NIPBL: variants seen among roughly 807,000 people sequenced by gnomAD.
NIPBL encodes NIPBL cohesin loading factor, also known as nipped-B-like protein.
A neutral mutation model predicts 321.8 loss-of-function variants in NIPBL; 19 were observed. The ratio of observed to expected loss-of-function variants is 0.06; its 90% confidence interval spans 0.04 to 0.09. The LOEUF (loss-of-function observed/expected upper bound fraction) is 0.09, where lower values mean the gene tolerates loss of function less well. Ranked by LOEUF, NIPBL falls within the 10% of genes least tolerant of loss-of-function variation. The pLI is 1.00. For missense variants in NIPBL, 2,210 were observed against 3,327.0 expected, an observed-to-expected ratio of 0.66 and a Z score of 8.26; for synonymous variants, 1,106 against 1,114.1, an observed-to-expected ratio of 0.99 and a Z score of 0.14.
rs1755290540 is a variant in NIPBL at position 37,065,585 on chromosome 5, A to G, written c.*693A>G. The G allele has an allele frequency of 6.6e-6, 1 of 152,574 alleles. No homozygotes were observed. The highest frequency in any genetic ancestry group is 2.1e-4 in the South Asian group (1 of 4,834). The allele number at this position is 152,574 out of a possible 1,614,324, so 9.5% of individuals were successfully genotyped here. A position where few individuals can be genotyped will look rare whatever the true frequency, so the allele number is the denominator to read the frequency against. On this transcript the variant is annotated 3_prime_UTR_variant, in exon 47 of 47. Coordinates refer to ENST00000282516, the MANE Select transcript of NIPBL (RefSeq NM_133433.4). ...ATTATTTTACAGTCTTTTATGTAAA[A>G]TTTATTATATCACTGGTTTTCAAAG...
chr5:36,970,556 A>G (rs1742743179), intron 6 of NIPBL, among the ~76,000 whole-genome samples: 1 of 151,880 alleles, frequency 6.6e-6, no homozygotes, highest in South Asian at 2.1e-4. Context: ...ATGCATAGCA[A>G]AGGTATAAAG....
At chr5:37,063,650 G>A in intron 45 of NIPBL, 140 bp from the exon 46 acceptor site, 1 of 794,460 alleles carries the variant, frequency 1.3e-6, no homozygotes, top group South Asian at 1.8e-5. Context: ...TACAGAAAAT[G>A]TTTACTAGCC....
rs769203117 is a variant in NIPBL, at chr5:36,962,126, G to C, written c.462G>C (p.Arg154=). The change falls in exon 6 of 47, where the codon CGG becomes CGC. Residue 154 remains arginine, a synonymous_variant. Coordinates refer to ENST00000282516, the MANE Select transcript of NIPBL (RefSeq NM_133433.4). ...TTATTTGGGTTTTGGGTTTTAGCCG[G>C]TTTGTGCCACCACAGACAAGCTCTG... ...QTTISHSPSS[R]FVPPQTSSGN... The C allele has an allele frequency of 3.1e-6, 5 of 1,614,036 alleles. No individual in the cohort carries two copies. The South Asian group carries it at 5.5e-5, about 18-fold the overall frequency.
At chr5:37,042,121 C>G (rs1018267925) in intron 34 of NIPBL, among the ~76,000 whole-genome samples, 1 of 152,020 alleles carries the variant, frequency 6.6e-6, no homozygotes, top group East Asian at 1.9e-4. Context: ...ATGTTTTTAA[C>G]TAGTGTGTTA....
At chr5:37,009,171 G>A (rs1313847615) in intron 20 of NIPBL, among the ~76,000 whole-genome samples, 1 of 151,886 alleles carries the variant, frequency 6.6e-6, no homozygotes, top group Non-Finnish European at 1.5e-5. Context: ...TGTTCATCCT[G>A]TTGGAAATAT....
intron 34 of NIPBL, among the ~76,000 whole-genome samples, chr5:37,039,559 G>C (rs2149722665): frequency 6.6e-6 from 1 of 152,126 alleles, no homozygotes; most frequent in East Asian, 1.9e-4. Flanking sequence ...CTGTTTTACA[G>C]ATAAGGAAAC....
intron 24 of NIPBL, among the ~76,000 whole-genome samples, chr5:37,018,058 A>G (rs1749191083): frequency 6.6e-6 from 1 of 152,124 alleles, no homozygotes; most frequent in Admixed American, 6.5e-5. Context: ...CTTGACAAGT[A>G]ACACCAACAT....
intron 20 of NIPBL, 139 bp downstream of exon 20, chr5:37,008,862 T>C (rs957926717): frequency 3.1e-6 from 2 of 644,372 alleles, no homozygotes; most frequent in East Asian, 2.8e-5. Context: ...GCATGAAAAA[T>C]AGATGTGTGA....
At chr5:36,940,382 T>C (rs185044525) in intron 1 of NIPBL, among the ~76,000 whole-genome samples, 185 of 152,256 alleles carry the variant, frequency 1.2e-3, no homozygotes, top group African/African-American at 4.3e-3. Context: ...GTCTGTCAGG[T>C]CAGGAATGAA....
chr5:37,033,705 C>CACACACACATAT (rs1415570935), intron 32 of NIPBL, among the ~76,000 whole-genome samples: 9 of 80,242 alleles, frequency 1.1e-4, no homozygotes, highest in African/African-American at 1.4e-4. Flanking sequence ...CACACACACA[C>CACACACACATAT]ATATATATAT....
intron 1 of NIPBL, among the ~76,000 whole-genome samples, chr5:36,879,559 GAA>G (rs1745352385): frequency 6.6e-6 from 1 of 152,290 alleles, no homozygotes; most frequent in East Asian, 1.9e-4. Flanking sequence ...TAGTTGGAGA[GAA>G]TAGTTTGTTT....
At chr5:37,037,940 C>T (rs536479994) in intron 33 of NIPBL, among the ~76,000 whole-genome samples, 1 of 150,334 alleles carries the variant, frequency 6.7e-6, no homozygotes, top group East Asian at 1.9e-4. Context: ...CCCTTAAACA[C>T]AGTTTCACCT....
intron 1 of NIPBL, among the ~76,000 whole-genome samples, chr5:36,923,858 C>T (rs1297150504): frequency 6.6e-6 from 1 of 152,106 alleles, no homozygotes; most frequent in Non-Finnish European, 1.5e-5. Context: ...CAAATTGAGT[C>T]CTGGCAATAT....
At chr5:36,897,327 C>A (rs553124737) in intron 1 of NIPBL, among the ~76,000 whole-genome samples, 3 of 152,202 alleles carry the variant, frequency 2.0e-5, no homozygotes, top group African/African-American at 7.2e-5. Flanking sequence ...AATTTTACTT[C>A]CAGATTGTTC....
At chr5:37,040,290 TCATA>T (rs1264483057) in intron 34 of NIPBL, among the ~76,000 whole-genome samples, 5 of 152,166 alleles carry the variant, frequency 3.3e-5, no homozygotes, top group African/African-American at 1.2e-4. Context: ...TAAGAGTATC[TCATA>T]CATGGTAAAC....
intron 1 of NIPBL, among the ~76,000 whole-genome samples, chr5:36,914,730 G>A (rs536643801): frequency 6.6e-6 from 1 of 152,268 alleles, no homozygotes; most frequent in South Asian, 2.1e-4. Context: ...GTGACAAACA[G>A]TGGCTTTCCT....
At chr5:36,977,799 A>C (rs1197881559) in intron 9 of NIPBL, among the ~76,000 whole-genome samples, 1 of 151,416 alleles carries the variant, frequency 6.6e-6, no homozygotes, top group East Asian at 1.9e-4. Context: ...GTTGTTTCTA[A>C]CTTTATGTCC....
chr5:37,061,389 C>T (rs1038608344), intron 45 of NIPBL, among the ~76,000 whole-genome samples: 1 of 152,082 alleles, frequency 6.6e-6, no homozygotes, highest in Non-Finnish European at 1.5e-5. Context: ...AAAAAAATGG[C>T]GTAGTGGGCT....
In NIPBL at chr5:37,031,721, A is replaced by G. The variant is rs144241216; in HGVS notation, c.5862+4309A>G. 7.2e-3 allele frequency among the ~76,000 whole-genome samples: 1,097 copies of G among 152,174 alleles called. 17 individuals are homozygous for G. The highest frequency in any genetic ancestry group is 0.025 in the African/African-American group (1,047 of 41,556). The stretch of plus-strand genomic sequence containing the variant: ...TTTATCTCTATCAACCAGTGAATGG[A>G]TAAATAAACTATGACAATCCCATGC... On this transcript the variant is annotated intron_variant, in intron 32 of 46. Coordinates refer to ENST00000282516, the MANE Select transcript of NIPBL (RefSeq NM_133433.4).
Sources: gnomAD v4.1 joint callset for allele counts (sites outside exome capture counted in the v4.1 genomes callset) on GRCh38, gnomAD v4.1.1 for gene constraint, MANE v1.5 for transcripts, NCBI Gene and HGNC (gene_info 2026-07-23, HGNC 2026-07-21) for gene names.